EMID1: variants seen among roughly 807,000 people sequenced by gnomAD.
The protein encoded by EMID1 is EMI domain containing 1.
EMID1 carries 40 observed loss-of-function variants against 60.6 expected under a neutral mutation model. The ratio of observed to expected loss-of-function variants is 0.66; its 90% confidence interval spans 0.51 to 0.86. The LOEUF is 0.86. Among genes scored for constraint, EMID1 ranks in the 40% least tolerant of loss-of-function variants. The pLI is 0.00. For missense variants in EMID1, 585 were observed against 597.1 expected (o/e 0.98, Z 0.21); for synonymous variants, 242 against 231.0 (o/e 1.05, Z -0.43).
rs200726069 is a variant in EMID1, at chr22:29,254,227, G to C, written c.1144G>C (p.Glu382Gln). 5.6e-6 allele frequency: 9 copies of C among 1,614,052 alleles called. No homozygotes were observed. The African/African-American group carries it at 1.2e-4, about 22-fold the overall frequency. Residue 382 changes from glutamate (E) to glutamine (Q), a missense_variant, in exon 14 of 15, where the codon GAG becomes CAG. Coordinates refer to ENST00000334018, the MANE Select transcript of EMID1 (RefSeq NM_133455.4). Reference protein sequence around the residue: ...HWGEGLHQLREALKILAERVL... With the variant: ...HWGEGLHQLRQALKILAERVL... ...GGGGGAGGGGTTGCACCAGCTACGC[G>C]AGGCTTTGAAGATTTTAGCTGAGAG...
chr22:29,254,378 G>A (rs2041632788), intron 14 of EMID1, 91 bp downstream of exon 14: 1 of 1,278,214 alleles, frequency 7.8e-7, no homozygotes, highest in Non-Finnish European at 1.1e-6. Context: ...CCTGAGCCCA[G>A]TCATGAGGCT....
At chr22:29,252,223 G>C (rs1325562781) in intron 13 of EMID1, among the ~76,000 whole-genome samples, 1 of 152,234 alleles carries the variant, frequency 6.6e-6, no homozygotes, top group East Asian at 1.9e-4. Flanking sequence ...AGCGGCCTGA[G>C]GGTCACCCGA....
intron 12 of EMID1, among the ~76,000 whole-genome samples, chr22:29,243,228 C>T (rs1009547256): frequency 5.3e-5 from 8 of 152,192 alleles, no homozygotes; most frequent in Non-Finnish European, 1.2e-4. Flanking sequence ...ATGCCATTCC[C>T]TTCTTTTAAG....
At chr22:29,256,866 G>C (rs1019067781) in intron 14 of EMID1, among the ~76,000 whole-genome samples, 2 of 152,190 alleles carry the variant, frequency 1.3e-5, no homozygotes, top group Non-Finnish European at 1.5e-5. Context: ...GAAGGGTGTG[G>C]GGTCTGCTTC....
intron 12 of EMID1, among the ~76,000 whole-genome samples, chr22:29,237,107 T>TTCCATC (rs1467879427): frequency 1.6e-4 from 18 of 111,700 alleles, no homozygotes; most frequent in South Asian, 3.0e-4. Flanking sequence ...TATTTTCTAT[T>TTCCATC]TGTTTTCCTT....
rs2041394422 is a variant in EMID1 at position 29,248,147 on chromosome 22, G to T, written c.1119+4658G>T. 2.0e-5 allele frequency among the ~76,000 whole-genome samples: 3 copies of T among 149,984 alleles called. No individual in the cohort carries two copies. The South Asian group carries it at 6.3e-4, about 31-fold the overall frequency. ...TTTTTGTATTTTTAGTAGAGATGGG[G>T]TTTCACCATGTTGGCTGGCCAGGCT... On this transcript the variant is annotated intron_variant, in intron 13 of 14. Coordinates refer to ENST00000334018, the MANE Select transcript of EMID1 (RefSeq NM_133455.4).
At chr22:29,250,611 G>A (rs1210155543) in intron 13 of EMID1, among the ~76,000 whole-genome samples, 1 of 151,268 alleles carries the variant, frequency 6.6e-6, no homozygotes, top group Non-Finnish European at 1.5e-5. Context: ...CTGTTGCCCA[G>A]GCTGGAGTGC....
At chr22:29,238,118 C>G (rs2041020918) in intron 12 of EMID1, among the ~76,000 whole-genome samples, 1 of 143,046 alleles carries the variant, frequency 7.0e-6, no homozygotes, top group Non-Finnish European at 1.5e-5. Flanking sequence ...GTATATTACT[C>G]TCCACTCTCT....
chr22:29,217,591 C>T lies in EMID1; in HGVS notation c.319+1961C>T, dbSNP rs138080837. Among the ~76,000 whole-genome samples, 168 of 152,354 alleles carry T rather than the reference C, an allele frequency of 1.1e-3. 2 individuals carry two copies. Among genetic ancestry groups the T allele is most frequent in the Non-Finnish European group, 2.1e-3 (141 of 68,024 alleles). ...GGCACCAAGCTGCTGTGTGTGCCTG[C>T]AGCAGCCCCGGCTCGTCCACATTCA... On this transcript the variant is annotated intron_variant, in intron 3 of 14. Coordinates refer to ENST00000334018, the MANE Select transcript of EMID1 (RefSeq NM_133455.4).
At chr22:29,223,745 A>AG (rs151158049) in intron 3 of EMID1, among the ~76,000 whole-genome samples, 2,939 of 152,324 alleles carry the variant, frequency 0.019, 101 homozygotes, top group African/African-American at 0.067. Flanking sequence ...GAGAAGAGGT[A>AG]GCACAGAGCT....
intron 14 of EMID1, among the ~76,000 whole-genome samples, chr22:29,256,603 T>C (rs2041716250): frequency 6.6e-6 from 1 of 152,130 alleles, no homozygotes; most frequent in Non-Finnish European, 1.5e-5. Context: ...ACTGGTGCTC[T>C]GGAGTACAGA....
chr22:29,244,617 C>T (rs1291902718), intron 13 of EMID1, among the ~76,000 whole-genome samples: 4 of 143,464 alleles, frequency 2.8e-5, no homozygotes, highest in Admixed American at 1.4e-4. Flanking sequence ...CCAGCCTGGG[C>T]GACGGAACGA....
intron 14 of EMID1, among the ~76,000 whole-genome samples, chr22:29,256,333 C>T (rs575300014): frequency 2.0e-5 from 3 of 151,796 alleles, no homozygotes; most frequent in East Asian, 3.9e-4. Flanking sequence ...GGTGTGGTGG[C>T]GGGCACCCGT....
intron 5 of EMID1, among the ~76,000 whole-genome samples, chr22:29,230,649 G>C (rs1236120591): frequency 1.3e-5 from 2 of 152,100 alleles, no homozygotes; most frequent in African/African-American, 4.8e-5. Context: ...TCCCACACCA[G>C]GCCCCTTGGC....
intron 14 of EMID1, among the ~76,000 whole-genome samples, 164 bp from the exon 15 acceptor site, chr22:29,258,653 A>G (rs1487405603): frequency 6.6e-6 from 1 of 152,144 alleles, no homozygotes. Context: ...TGAGGCACCA[A>G]CCAATCTGCA....
chr22:29,256,115 C>T (rs953507770), intron 14 of EMID1, among the ~76,000 whole-genome samples: 5 of 152,128 alleles, frequency 3.3e-5, no homozygotes, highest in African/African-American at 1.2e-4. Flanking sequence ...CGCCCTATCT[C>T]GCAGCCCAGT....
At position 29,214,979 on chromosome 22, in the gene EMID1, G is replaced by A. The variant is rs374705512; in HGVS notation, c.155G>A (p.Gly52Asp). The change falls in exon 2 of 15, where the codon GGC becomes GAC. Residue 52 changes from glycine to aspartate, a missense_variant. Transcript: ENST00000334018. The part of the protein sequence containing the change: ...TRTISCHVQN[G>D]TYLQRVLQNC... ...ACCATCTCATGCCATGTGCAGAATG[G>A]CACCTACCTTCAGCGAGTGCTGCAG... The A allele has an allele frequency of 1.9e-5, 29 of 1,553,788 alleles. No homozygotes were observed. The highest frequency in any genetic ancestry group is 2.7e-5 in the African/African-American group (2 of 73,480).
chr22:29,240,442 C>A (rs1255913569), intron 12 of EMID1, among the ~76,000 whole-genome samples: 1 of 152,080 alleles, frequency 6.6e-6, no homozygotes, highest in Non-Finnish European at 1.5e-5. Context: ...CCCCTCGTGG[C>A]CTTTGGAACA....
At chr22:29,223,090 CAAAAA>C (rs909338772) in intron 3 of EMID1, among the ~76,000 whole-genome samples, 1 of 147,270 alleles carries the variant, frequency 6.8e-6, no homozygotes, top group Non-Finnish European at 1.5e-5. Flanking sequence ...GACTCCGTCT[CAAAAA>C]AAAAAGAAGT....
Sources: allele counts gnomAD v4.1 joint callset (sites outside exome capture counted in the v4.1 genomes callset), GRCh38; gene constraint gnomAD v4.1.1; transcripts MANE v1.5; gene names NCBI Gene and HGNC (gene_info 2026-07-23, HGNC 2026-07-21).